Variants in LIPI observed in about 807,000 individuals in gnomAD.
LIPI encodes lipase member I.
A neutral mutation model predicts 50.6 loss-of-function variants in LIPI; 59 were observed. That is an observed-to-expected ratio of 1.16 (90% CI 0.94 to 1.45). LIPI has a LOEUF of 1.45. Among genes scored for constraint, LIPI ranks in the 40% most tolerant of loss-of-function variants. The pLI is 0.00. For missense variants in LIPI, 586 were observed against 536.3 expected (o/e 1.09, Z -0.92); for synonymous variants, 203 against 178.2 (o/e 1.14, Z -1.11).
intron 9 of LIPI, among the ~76,000 whole-genome samples, chr21:14,119,576 C>T (rs577104726): frequency 2.3e-4 from 35 of 152,152 alleles, no homozygotes; most frequent in Non-Finnish European, 3.7e-4. Context: ...TTATATGAGG[C>T]GATGAAAGGG....
At chr21:14,210,267 G>A (rs1277348627) in intron 1 of LIPI, among the ~76,000 whole-genome samples, 8 of 151,910 alleles carry the variant, frequency 5.3e-5, no homozygotes, top group East Asian at 3.9e-4. Flanking sequence ...ATTACTGTAC[G>A]CCAATAAACC....
chr21:14,205,963 C>G (rs1247598350), intron 1 of LIPI, among the ~76,000 whole-genome samples: 3 of 152,158 alleles, frequency 2.0e-5, no homozygotes, highest in Non-Finnish European at 1.5e-5. Context: ...AAGATAATGA[C>G]TCTAGCAGTA....
chr21:14,172,773 G>A (rs952042787), intron 4 of LIPI, among the ~76,000 whole-genome samples: 2 of 151,818 alleles, frequency 1.3e-5, no homozygotes, highest in Non-Finnish European at 2.9e-5. Flanking sequence ...GCTAAATGAC[G>A]AGTTAATGGG....
rs571751215 is a variant in LIPI, at chr21:14,199,802, C to T, written c.47-10383G>A. On this transcript the variant is annotated intron_variant, in intron 1 of 9. Transcript: ENST00000681601. Reference sequence around the variant, plus strand: ...ATCTGGCAGAGATTTAACAACACCACAAAAAACTTCAGGCCAATATCATTG... The same window carrying T: ...ATCTGGCAGAGATTTAACAACACCATAAAAAACTTCAGGCCAATATCATTG... Among the ~76,000 whole-genome samples the T allele has an allele frequency of 1.2e-3, 183 of 151,536 alleles. 1 individual carries two copies. Among genetic ancestry groups the T allele is most frequent in the Admixed American group, 3.7e-3 (56 of 15,184 alleles).
intron 4 of LIPI, among the ~76,000 whole-genome samples, chr21:14,175,756 A>G (rs955923336): frequency 7.9e-5 from 12 of 152,182 alleles, no homozygotes; most frequent in African/African-American, 2.7e-4. Flanking sequence ...GTTGACTGAA[A>G]CAGAACCAGG....
At chr21:14,151,753 A>C (rs1568851705) in intron 8 of LIPI, among the ~76,000 whole-genome samples, 1 of 152,216 alleles carries the variant, frequency 6.6e-6, no homozygotes, top group East Asian at 1.9e-4. Context: ...AGCTCAAGCC[A>C]AGAGCATTCT....
In LIPI at chr21:14,193,091, T is replaced by C. The variant is rs191346299; in HGVS notation, c.47-3672A>G. ...ATAATGATGTAATTTGTGTCATCGG[T>C]AAAATTAAGTAGGGGAGAGTGGAAC... On this transcript the variant is annotated intron_variant, in intron 1 of 9. Coordinates refer to ENST00000681601, the MANE Select transcript of LIPI (RefSeq NM_001302998.2). Among the ~76,000 whole-genome samples the C allele has an allele frequency of 3.1e-3, 471 of 152,266 alleles. 2 individuals are homozygous for C. Among genetic ancestry groups the C allele is most frequent in the African/African-American group, 0.011 (451 of 41,550 alleles).
At position 14,189,316 on chromosome 21, in the gene LIPI, C is replaced by T; in HGVS notation, c.150G>A (p.Arg50=). The T allele has an allele frequency of 6.2e-7, 1 of 1,613,570 alleles. No individual in the cohort carries two copies. ...RIETILMMYT[R]NNLNCAEPLF... ...GTGGCTCAGCACAGTTTAGGTTGTT[C>T]CTTGTATACATCATCAGAATGGTCT... Residue 50 remains arginine, a synonymous_variant, in exon 2 of 10, where the codon AGG becomes AGA. Coordinates refer to ENST00000681601, the MANE Select transcript of LIPI (RefSeq NM_001302998.2).
At chr21:14,183,539 A>G (rs902208918) in intron 3 of LIPI, among the ~76,000 whole-genome samples, 14 of 152,212 alleles carry the variant, frequency 9.2e-5, no homozygotes, top group Non-Finnish European at 7.3e-5. Context: ...TGAACAGGCA[A>G]CCTATAGAAT....
chr21:14,159,462 A>G (rs1375707145), intron 7 of LIPI, among the ~76,000 whole-genome samples: 2 of 151,482 alleles, frequency 1.3e-5, no homozygotes, highest in African/African-American at 4.8e-5. Flanking sequence ...TTTATGAGGT[A>G]AAATTCTTGG....
At chr21:14,142,746 A>C (rs1057177483) in intron 9 of LIPI, among the ~76,000 whole-genome samples, 1 of 151,800 alleles carries the variant, frequency 6.6e-6, no homozygotes, top group African/African-American at 2.4e-5. Flanking sequence ...GGCCTCTGAA[A>C]ATGCTGGGAT....
intron 9 of LIPI, among the ~76,000 whole-genome samples, chr21:14,139,262 T>C (rs1420062385): frequency 6.6e-5 from 10 of 152,162 alleles, no homozygotes; most frequent in African/African-American, 2.2e-4. Context: ...ATTTCCAGTA[T>C]ATGTATACAA....
rs558374953 is a variant in LIPI at position 14,189,118 on chromosome 21, A to ACCC, written c.345_347dup (p.Gly116dup). On this transcript the variant is annotated inframe_insertion, in exon 2 of 10. Transcript: ENST00000681601. ...CTCTATTATAAATAAAAGTTGTAGC[A>ACCC]CCCCGGCTCCAGTCTACTACAATTA... 7.3e-4 allele frequency: 1,179 copies of ACCC among 1,613,662 alleles called. 1 individual carries two copies. The African/African-American group carries it at 7.8e-3, about 11-fold the overall frequency.
At chr21:14,197,928 G>A (rs984218938) in intron 1 of LIPI, among the ~76,000 whole-genome samples, 8 of 152,114 alleles carry the variant, frequency 5.3e-5, no homozygotes, top group Non-Finnish European at 1.0e-4. Flanking sequence ...CCTTTCAGCT[G>A]AAACCCTACA....
At chr21:14,148,658 T>C (rs2017987837) in intron 8 of LIPI, among the ~76,000 whole-genome samples, 1 of 152,236 alleles carries the variant, frequency 6.6e-6, no homozygotes, top group Non-Finnish European at 1.5e-5. Flanking sequence ...CCATATAGCC[T>C]ACGTGTGTAG....
intron 8 of LIPI, among the ~76,000 whole-genome samples, chr21:14,148,695 C>G (rs1164445956): frequency 6.6e-6 from 1 of 152,140 alleles, no homozygotes; most frequent in Non-Finnish European, 1.5e-5. Flanking sequence ...AGTTTGGACT[C>G]TATAATGTCC....
At chr21:14,207,594 T>TA (rs202078003) in intron 1 of LIPI, among the ~76,000 whole-genome samples, 46 of 151,378 alleles carry the variant, frequency 3.0e-4, no homozygotes, top group Admixed American at 1.2e-3. Flanking sequence ...AAAATGGATG[T>TA]AAAAAAAAAT....
At chr21:14,177,126 T>C (rs986250526) in intron 4 of LIPI, among the ~76,000 whole-genome samples, 1 of 152,160 alleles carries the variant, frequency 6.6e-6, no homozygotes, top group Non-Finnish European at 1.5e-5. Context: ...CATTATGTAT[T>C]TGAAGCTGTG....
At chr21:14,196,621 GTTCAA>G (rs1233288855) in intron 1 of LIPI, among the ~76,000 whole-genome samples, 1 of 152,042 alleles carries the variant, frequency 6.6e-6, no homozygotes, top group East Asian at 1.9e-4. Context: ...GAGGCTAGGA[GTTCAA>G]GACAAGCCTG....
Sources: gnomAD v4.1 joint callset for allele counts (sites outside exome capture counted in the v4.1 genomes callset) on GRCh38, gnomAD v4.1.1 for gene constraint, MANE v1.5 for transcripts, NCBI Gene and HGNC (gene_info 2026-07-23, HGNC 2026-07-21) for gene names.